Variants in ZFR2 observed in about 807,000 individuals in gnomAD.
ZFR2 encodes the protein zinc finger RNA binding protein 2, also known as zinc finger RNA-binding protein 2.
Under a neutral mutation model 105.7 loss-of-function variants are expected in ZFR2, and 104 were observed. The ratio of observed to expected loss-of-function variants is 0.98; its 90% CI spans 0.84 to 1.16. The LOEUF (loss-of-function observed/expected upper bound fraction) is 1.16. ZFR2 is among the 50% of genes most tolerant of loss of function. The pLI is 0.00. For missense variants in ZFR2, 1,425 were observed against 1,355.5 expected, an observed-to-expected ratio of 1.05 and a Z score of -0.80; for synonymous variants, 634 against 597.7, an observed-to-expected ratio of 1.06 and a Z score of -0.89.
intron 18 of ZFR2, 90 bp downstream of exon 18, chr19:3,807,082 G>C (rs1480197247): frequency 9.9e-7 from 1 of 1,008,032 alleles, no homozygotes; most frequent in Non-Finnish European, 1.4e-6. Context: ...GGAGAGAAGG[G>C]GAAACCCAGG....
intron 12 of ZFR2, 114 bp from the exon 13 acceptor site, chr19:3,816,959 G>T: frequency 1.0e-6 from 1 of 975,316 alleles, no homozygotes; most frequent in Non-Finnish European, 1.5e-6. Context: ...TCTGTGCCTC[G>T]GCATCCTCAT....
At chr19:3,860,995 C>T (rs2038367200) in intron 1 of ZFR2, among the ~76,000 whole-genome samples, 1 of 152,118 alleles carries the variant, frequency 6.6e-6, no homozygotes, top group Non-Finnish European at 1.5e-5. Flanking sequence ...CAACAGACAC[C>T]ACCGGCTCTT....
intron 1 of ZFR2, among the ~76,000 whole-genome samples, chr19:3,844,233 AG>A (rs2038166144): frequency 6.6e-6 from 1 of 152,194 alleles, no homozygotes; most frequent in Non-Finnish European, 1.5e-5. Context: ...TAAAAAGCAA[AG>A]AAACCTCATA....
intron 16 of ZFR2, among the ~76,000 whole-genome samples, chr19:3,810,002 G>A (rs1296179883): frequency 6.6e-6 from 1 of 151,160 alleles, no homozygotes; most frequent in African/African-American, 2.4e-5. Flanking sequence ...AAACCAAACA[G>A]AACAAAACAA....
intron 10 of ZFR2, among the ~76,000 whole-genome samples, chr19:3,820,738 G>T (rs1380097268): frequency 8.0e-5 from 10 of 125,084 alleles, no homozygotes; most frequent in Non-Finnish European, 1.6e-4. Flanking sequence ...AGGGTCATCA[G>T]GGGTCAGGAG....
At chr19:3,811,448 G>C (rs1014965586) in intron 14 of ZFR2, 82 bp from the exon 15 acceptor site, 2 of 1,331,154 alleles carry the variant, frequency 1.5e-6, no homozygotes, top group African/African-American at 1.5e-5. Flanking sequence ...GCTCAGTTTG[G>C]GCCCCTCGAC....
intron 1 of ZFR2, among the ~76,000 whole-genome samples, chr19:3,840,156 C>T (rs2038120838): frequency 6.6e-6 from 1 of 152,178 alleles, no homozygotes; most frequent in Non-Finnish European, 1.5e-5. Flanking sequence ...AAAGGATCCT[C>T]TGCCCAGGCC....
rs1200779112 is a variant in ZFR2, at chr19:3,823,155, C to T, written c.1371+91G>A. On this transcript the variant is annotated intron_variant, in intron 8 of 18. Coordinates refer to ENST00000262961, the MANE Select transcript of ZFR2 (RefSeq NM_015174.2). This position sits in a 1 kb window ranked among gnomAD's most constrained non-coding sequence, Gnocchi z 5.4. The stretch of plus-strand genomic sequence containing the variant: ...GGAACGGGGATGGGTCTGTAAATCT[C>T]GCTGGGAGAAGCCGGGTGAGGTCTC... 8 of 1,576,502 alleles carry T rather than the reference C, an allele frequency of 5.1e-6. No homozygotes were observed. Among genetic ancestry groups the T allele is most frequent in the Middle Eastern group, 1.7e-4 (1 of 5,988 alleles).
At position 3,832,544 on chromosome 19, in the gene ZFR2, T is replaced by A. The variant is rs569575911; in HGVS notation, c.380-666A>T. On this transcript the variant is annotated intron_variant, in intron 3 of 18. Transcript: ENST00000262961. ...ACCATGTTGGCCAGGATGGTCTCGA[T>A]CGCTTGACCTTGTGATCCACCCGCC... 2.1e-3 allele frequency among the ~76,000 whole-genome samples: 315 copies of A among 152,078 alleles called. 2 individuals carry two copies. The highest frequency in any genetic ancestry group is 6.9e-3 in the African/African-American group (287 of 41,498).
At chr19:3,852,250 T>C (rs2038246729) in intron 1 of ZFR2, 1 of 575,062 alleles carries the variant, frequency 1.7e-6, no homozygotes. Context: ...ATGGCTCTCC[T>C]GGCCAGATGG....
chr19:3,836,196 T>A (rs2038075122), intron 1 of ZFR2, among the ~76,000 whole-genome samples: 1 of 152,074 alleles, frequency 6.6e-6, no homozygotes, highest in African/African-American at 2.4e-5. Context: ...TAGGGAACAA[T>A]GAGAAGGAAA....
chr19:3,821,982 G>T, intron 9 of ZFR2, 99 bp downstream of exon 9: 1 of 1,467,212 alleles, frequency 6.8e-7, no homozygotes, highest in Non-Finnish European at 9.1e-7. Flanking sequence ...AAGTTCGTCG[G>T]ATCACACGCG....
chr19:3,820,439 C>A (rs2037877936), intron 10 of ZFR2, 149 bp from the exon 11 acceptor site: 1 of 764,122 alleles, frequency 1.3e-6, no homozygotes, highest in Non-Finnish European at 2.0e-6. Context: ...TGGGTGCCTG[C>A]TGTATGCACA....
chr19:3,812,762 C>A (rs11085043), intron 14 of ZFR2, among the ~76,000 whole-genome samples: 18,002 of 151,914 alleles, frequency 0.12, 1,823 homozygotes, highest in African/African-American at 0.28. Context: ...TATTAAAAAA[C>A]AAAACAAAAC....
intron 3 of ZFR2, 44 bp from the exon 4 acceptor site, chr19:3,831,922 C>T (rs774048795): frequency 1.4e-6 from 2 of 1,449,672 alleles, no homozygotes; most frequent in Non-Finnish European, 1.8e-6. Flanking sequence ...ACCCCCACCC[C>T]ACTGTCCCTC....
At chr19:3,828,029 C>T (rs549595548) in intron 5 of ZFR2, among the ~76,000 whole-genome samples, 1 of 152,180 alleles carries the variant, frequency 6.6e-6, no homozygotes, top group African/African-American at 2.4e-5. Flanking sequence ...CTCTGTTGGC[C>T]AAGCTGGTCT....
chr19:3,841,121 C>T (rs1049261844), intron 1 of ZFR2, among the ~76,000 whole-genome samples: 4 of 152,188 alleles, frequency 2.6e-5, no homozygotes, highest in Non-Finnish European at 4.4e-5. Context: ...AAGGCGACCA[C>T]GTCAGAATGC....
intron 1 of ZFR2, among the ~76,000 whole-genome samples, chr19:3,840,378 T>C (rs971720172): frequency 5.3e-5 from 8 of 151,686 alleles, no homozygotes; most frequent in Non-Finnish European, 8.8e-5. Flanking sequence ...GCTGGGATTA[T>C]AGGCACCTAC....
intron 6 of ZFR2, among the ~76,000 whole-genome samples, chr19:3,825,971 C>T (rs889368959): frequency 6.6e-6 from 1 of 152,106 alleles, no homozygotes; most frequent in African/African-American, 2.4e-5. Flanking sequence ...CTCAGACACA[C>T]TTCCCAGCTC....
Sources: gnomAD v4.1 joint callset for allele counts (sites outside exome capture counted in the v4.1 genomes callset) on GRCh38, gnomAD v4.1.1 for gene constraint, Gnocchi (gnomAD v3.1) non-coding constraint, MANE v1.5 for transcripts, NCBI Gene and HGNC (gene_info 2026-07-23, HGNC 2026-07-21) for gene names.